Variants in TYK2 observed in about 807,000 individuals in gnomAD.
TYK2 encodes non-receptor tyrosine-protein kinase TYK2.
In TYK2, 65 loss-of-function variants were observed where a neutral mutation model predicts 130.9. That is an observed-to-expected ratio of 0.50 (90% CI 0.41 to 0.61). The LOEUF (loss-of-function observed/expected upper bound fraction) is 0.61, where lower values mean the gene tolerates loss of function less well. Ranked by LOEUF, TYK2 falls within the 20% of genes least tolerant of loss-of-function variation. The pLI is 0.00. For synonymous variants in TYK2, 647 were observed against 658.9 expected, an observed-to-expected ratio of 0.98 and a Z score of 0.28; for missense variants, 1,378 against 1,610.7, an observed-to-expected ratio of 0.86 and a Z score of 2.47.
At chr19:10,355,219 GAGTCTCAGGCTGC>G (rs1415515458) in intron 18 of TYK2, among the ~76,000 whole-genome samples, 1 of 151,996 alleles carries the variant, frequency 6.6e-6, no homozygotes, top group Non-Finnish European at 1.5e-5. Flanking sequence ...TAGAGCCCAG[GAGTCTCAGGCTGC>G]AGTGAGCCAT....
At position 10,365,768 on chromosome 19, in the gene TYK2, T is replaced by C. The variant is rs757598903; in HGVS notation, c.760A>G (p.Met254Val). ...DFQPGRLSQQ[M>V]VMVKYLATLE... The stretch of plus-strand genomic sequence containing the variant: ...GTGGCTAGGTATTTGACCATGACCA[T>C]CTGCTGGGAGAGTCGGCCCGGCTGG... Residue 254 changes from methionine (M) to valine (V), a missense_variant, in exon 7 of 25, where the codon ATG becomes GTG. Transcript: ENST00000525621. The C allele has an allele frequency of 6.2e-7, 1 of 1,612,794 alleles. No individual in the cohort carries two copies. The highest frequency in any genetic ancestry group is 8.5e-7 in the Non-Finnish European group (1 of 1,179,872).
chr19:10,358,776 T>C (rs2041240052), intron 15 of TYK2, among the ~76,000 whole-genome samples: 1 of 151,730 alleles, frequency 6.6e-6, no homozygotes, highest in Non-Finnish European at 1.5e-5. Context: ...TTTTAAAAGA[T>C]GGGGCCAGCT....
Position 10,365,790 on chromosome 19 carries a change from C to G in TYK2, c.738G>C (p.Gln246His), listed in dbSNP as rs974773190. ...CCATCTGCTGGGAGAGTCGGCCCGG[C>G]TGGAAGTCCCGCAGGAACCTGCGGA... Reference protein sequence around the residue: ...NVFRRFLRDFQPGRLSQQMVM... With the variant: ...NVFRRFLRDFHPGRLSQQMVM... The change falls in exon 7 of 25, where the codon CAG becomes CAC. Residue 246 changes from glutamine (Q) to histidine (H), a missense_variant. Transcript: ENST00000525621. The G allele has an allele frequency of 2.5e-6, 4 of 1,612,310 alleles. No homozygotes were observed. The highest frequency in any genetic ancestry group is 3.3e-5 in the Admixed American group (2 of 59,912).
chr19:10,359,105 A>G (rs2041260344), intron 15 of TYK2, 70 bp downstream of exon 15: 1 of 1,581,510 alleles, frequency 6.3e-7, no homozygotes, highest in South Asian at 1.1e-5. Context: ...CCTGTTGCCC[A>G]GGCTGGTCTC....
chr19:10,357,794 C>T lies in TYK2; in HGVS notation c.2436G>A (p.Glu812=), dbSNP rs1346976999. Residue 812 remains glutamate, a synonymous_variant, in exon 17 of 25, where the codon GAG becomes GAA. Transcript: ENST00000525621. ...AGGGACTGCGGCTCTGCAGAGGGGCCTCTCCGTCAAAGCAGATCTCCAGGA... is the reference window on the plus strand; with the variant it reads ...AGGGACTGCGGCTCTGCAGAGGGGCTTCTCCGTCAAAGCAGATCTCCAGGA... The part of the protein sequence containing the change: ...ATLLEICFDG[E]APLQSRSPSE... 1.9e-6 allele frequency: 3 copies of T among 1,612,988 alleles called. No homozygotes were observed. Among genetic ancestry groups the T allele is most frequent in the Non-Finnish European group, 2.5e-6 (3 of 1,179,756 alleles).
intron 3 of TYK2, chr19:10,369,762 G>A (rs550733312): frequency 3.8e-4 from 173 of 453,448 alleles, no homozygotes; most frequent in Non-Finnish European, 5.7e-4. Flanking sequence ...TGTACCTGTC[G>A]GCCGGGCGCA....
At position 10,361,670 on chromosome 19, in the gene TYK2, C is replaced by T. The variant is rs1458949237; in HGVS notation, c.1960-72G>A. 14 of 1,576,964 alleles carry T rather than the reference C, an allele frequency of 8.9e-6. No homozygotes were observed. Among genetic ancestry groups the T allele is most frequent in the African/African-American group, 1.3e-5 (1 of 74,088 alleles). The stretch of plus-strand genomic sequence containing the variant: ...ATCCCACCTCCTCCACGGACACACC[C>T]CTCCCATCCCACCTCCTCCACAGAC... On this transcript the variant is annotated intron_variant, in intron 13 of 24. Transcript: ENST00000525621. This position sits in a 1 kb window ranked among gnomAD's most constrained non-coding sequence, Gnocchi z 4.0.
chr19:10,361,477 C>G lies in TYK2; in HGVS notation c.2047+34G>C. The G allele has an allele frequency of 6.5e-7, 1 of 1,544,214 alleles. No homozygotes were observed. Among genetic ancestry groups the G allele is most frequent in the Non-Finnish European group, 8.7e-7 (1 of 1,145,758 alleles). On this transcript the variant is annotated intron_variant, in intron 14 of 24. Coordinates refer to ENST00000525621, the MANE Select transcript of TYK2 (RefSeq NM_003331.5). This position sits in a 1 kb window ranked among gnomAD's most constrained non-coding sequence, Gnocchi z 4.0. ...GTGGGTATAAGTCAGGGGTGGCCTG[C>G]CAAAGGGGGATGGGTATGGCGGGAC...
chr19:10,356,611 T>A lies in TYK2; in HGVS notation c.2574A>T (p.Ser858=), dbSNP rs1329302010. The part of the protein sequence containing the change: ...CLTYEPTQRP[S]FRTILRDLTR... ...TGAGGTCACGCAGGATGGTGCGGAA[T>A]GATGGCCTCTGGGTTGGCTCATAGG... is the stretch of plus-strand genomic sequence containing the variant. The change falls in exon 18 of 25, where the codon TCA becomes TCT. Residue 858 remains serine (S), a synonymous_variant. Transcript: ENST00000525621. 6.2e-7 allele frequency: 1 copy of A among 1,613,754 alleles called. No individual in the cohort carries two copies.
intron 15 of TYK2, 140 bp from the exon 16 acceptor site, chr19:10,358,278 G>T: frequency 1.2e-6 from 1 of 825,422 alleles, no homozygotes; most frequent in African/African-American, 1.8e-5. Flanking sequence ...GTTTTTTGGG[G>T]GGTTATTTTT....
rs1287345989 is a variant in TYK2, at chr19:10,368,404, AAGG to A, written c.205_207del (p.Pro69del). The A allele has an allele frequency of 2.5e-6, 4 of 1,614,128 alleles. No individual in the cohort carries two copies. The highest frequency in any genetic ancestry group is 1.7e-5 in the Admixed American group (1 of 59,994). ...TCGAAGAGGGCAAAGAGATTGAAGCAAGGAGGAGTGATACCTGGATCAGGTGAG... is the reference window on the plus strand; with the variant it reads ...TCGAAGAGGGCAAAGAGATTGAAGCAAGGAGTGATACCTGGATCAGGTGAG... On this transcript the variant is annotated inframe_deletion, in exon 4 of 25. Transcript: ENST00000525621.
chr19:10,356,690 C>T lies in TYK2; in HGVS notation c.2495G>A (p.Arg832Gln), dbSNP rs376161606. 60 of 1,610,998 alleles carry T rather than the reference C, an allele frequency of 3.7e-5. No individual in the cohort carries two copies. The highest frequency in any genetic ancestry group is 8.9e-5 in the East Asian group (4 of 44,804). Residue 832 changes from arginine to glutamine, a missense_variant, in exon 18 of 25, where the codon CGG becomes CAG. By Grantham distance (43) the Arg-to-Gln change is conservative. Coordinates refer to ENST00000525621, the MANE Select transcript of TYK2 (RefSeq NM_003331.5). Reference protein sequence around the residue: ...EKEHFYQRQHRLPEPSCPQLA... With the variant: ...EKEHFYQRQHQLPEPSCPQLA... ...CTGTGGGCAGGAGGGCTCGGGCAGC[C>T]GGTGCTGCCTCTGGTAGAAATGCTC...
intron 23 of TYK2, 150 bp from the exon 24 acceptor site, chr19:10,351,312 C>T: frequency 1.6e-6 from 1 of 606,688 alleles, no homozygotes; most frequent in East Asian, 3.3e-5. Context: ...CATGGTGAAA[C>T]CCCATCTCTA....
rs1220696740 is a variant in TYK2 at position 10,365,442 on chromosome 19, TAG to T, written c.1011+73_1011+74del. The T allele has an allele frequency of 4.7e-5, 75 of 1,600,498 alleles. No individual in the cohort carries two copies. The African/African-American group carries it at 7.5e-4, about 16-fold the overall frequency. ...GCTCAGGTCAGCCACCCTCAGAGGC[TAG>T]GGTCAAGGATGAACACAGAAACCCA... On this transcript the variant is annotated intron_variant, in intron 7 of 24. Transcript: ENST00000525621.
Position 10,358,083 on chromosome 19 carries a change from C to T in TYK2, c.2231G>A (p.Arg744Gln), listed in dbSNP as rs942849080. ...NVCGRNILLARLGLAEGTSPF... is the reference protein window; with the variant it reads ...NVCGRNILLAQLGLAEGTSPF... Reference sequence around the variant, plus strand: ...GCTGGTGCCCTCTGCCAACCCCAGCCGGGCCAGCAGGATGTTCCGGCCACA... The same window carrying T: ...GCTGGTGCCCTCTGCCAACCCCAGCTGGGCCAGCAGGATGTTCCGGCCACA... The change falls in exon 16 of 25, where the codon CGG becomes CAG. Residue 744 changes from arginine (R) to glutamine (Q), a missense_variant. Arg to Gln is a conservative substitution (Grantham distance 43). Coordinates refer to ENST00000525621, the MANE Select transcript of TYK2 (RefSeq NM_003331.5). The T allele has an allele frequency of 3.7e-6, 6 of 1,612,798 alleles. No individual in the cohort carries two copies. Among genetic ancestry groups the T allele is most frequent in the East Asian group, 2.2e-5 (1 of 44,868 alleles).
chr19:10,369,005 C>T (rs981123189), intron 3 of TYK2, among the ~76,000 whole-genome samples: 7 of 152,080 alleles, frequency 4.6e-5, no homozygotes, highest in Admixed American at 1.3e-4. Context: ...GACGAGGTTT[C>T]GCCATGTTGG....
intron 23 of TYK2, among the ~76,000 whole-genome samples, chr19:10,352,063 T>TTC (rs368996243): frequency 0.095 from 13,875 of 145,328 alleles, 674 homozygotes; most frequent in Middle Eastern, 0.18. Flanking sequence ...TTTCTTTTCT[T>TTC]TCTCTCTCTC....
rs550458621 is a variant in TYK2 at position 10,352,696 on chromosome 19, A to G, written c.3201-145T>C. On this transcript the variant is annotated intron_variant, in intron 22 of 24. Transcript: ENST00000525621. ...AAGAGCGCAGCCTGAGCGGGGTGAT[A>G]TGCTCATTGGCTAGGCCGCTCATTG... is the stretch of plus-strand genomic sequence containing the variant. 6.8e-5 allele frequency: 49 copies of G among 720,324 alleles called. No individual in the cohort carries two copies. In the African/African-American group the frequency reaches 7.1e-4, roughly 10 times the overall value. The allele number at this position is 720,324 out of a possible 1,614,324, so 44.6% of individuals were successfully genotyped here. A position where few individuals can be genotyped will look rare whatever the true frequency, so the allele number is the denominator to read the frequency against.
At chr19:10,356,918 G>A in intron 17 of TYK2, 200 bp from the exon 18 acceptor site, 2 of 626,044 alleles carry the variant, frequency 3.2e-6, no homozygotes, top group Non-Finnish European at 5.7e-6. Context: ...CCCAGGTCCA[G>A]TGATTATGCA....
Sources: gnomAD v4.1 joint callset for allele counts (sites outside exome capture counted in the v4.1 genomes callset) on GRCh38, gnomAD v4.1.1 for gene constraint, Gnocchi (gnomAD v3.1) non-coding constraint, MANE v1.5 for transcripts, NCBI Gene and HGNC (gene_info 2026-07-23, HGNC 2026-07-21) for gene names.